UNC80: variants seen among roughly 807,000 people sequenced by gnomAD.
UNC80 encodes unc-80 subunit of NALCN channel complex, also known as protein unc-80 homolog.
Under a neutral mutation model 384.6 loss-of-function variants are expected in UNC80, and 164 were observed. The observed-to-expected ratio is 0.43, with a 90% CI of 0.38 to 0.49. The LOEUF is 0.49. UNC80 is among the 20% of genes least tolerant of loss of function. UNC80 has a pLI of 0.00. For synonymous variants in UNC80, 1,486 were observed against 1,527.8 expected, an observed-to-expected ratio of 0.97 and a Z score of 0.64; for missense variants, 3,330 against 4,143.0, an observed-to-expected ratio of 0.80 and a Z score of 5.39.
intron 22 of UNC80, among the ~76,000 whole-genome samples, chr2:209,870,796 G>T (rs753493569): frequency 7.2e-5 from 11 of 152,182 alleles, no homozygotes; most frequent in Non-Finnish European, 1.0e-4. Context: ...ACCCAAAAAT[G>T]TAAAGTAACC....
chr2:209,895,495 C>G (rs1559283043), intron 27 of UNC80, among the ~76,000 whole-genome samples: 1 of 151,958 alleles, frequency 6.6e-6, no homozygotes, highest in Admixed American at 6.6e-5. Flanking sequence ...CTTAAGGAGA[C>G]TTTTTTTTAA....
In UNC80 at chr2:209,814,326, A is replaced by G. The variant is rs1288412530; in HGVS notation, c.1200+485A>G. ...TCTTGGCTCACTGCAAGCTCCGCCT[A>G]CCGGGTTCACGCCATTCTCCTGCCT... On this transcript the variant is annotated intron_variant, in intron 8 of 64. Transcript: ENST00000673920. Among the ~76,000 whole-genome samples the G allele has an allele frequency of 3.3e-5, 5 of 151,450 alleles. No individual in the cohort carries two copies. The East Asian group carries it at 7.8e-4, about 24-fold the overall frequency.
intron 7 of UNC80, among the ~76,000 whole-genome samples, chr2:209,798,485 A>G (rs2078310829): frequency 6.6e-6 from 1 of 151,898 alleles, no homozygotes; most frequent in South Asian, 2.1e-4. Context: ...GTGTGATGTT[A>G]TTTCTGAGGT....
At chr2:209,952,675 C>G (rs2092240264) in intron 47 of UNC80, among the ~76,000 whole-genome samples, 1 of 152,206 alleles carries the variant, frequency 6.6e-6, no homozygotes, top group Non-Finnish European at 1.5e-5. Context: ...TCCCAGAAGT[C>G]TGGTACCTCC....
rs76521176 is a variant in UNC80 at position 209,933,992 on chromosome 2, C to G, written c.6165C>G (p.Thr2055=). 1.3e-6 allele frequency: 2 copies of G among 1,543,604 alleles called. No homozygotes were observed. The highest frequency in any genetic ancestry group is 2.8e-5 in the African/African-American group (2 of 72,678). The change falls in exon 39 of 65, where the codon ACC becomes ACG. Residue 2055 remains threonine, a synonymous_variant. Transcript: ENST00000673920. ...AGTGTGAGGTGAAGCTCCTGGTGAC[C>G]GCTTCAATGCCAGGTAAGCCACTAC... The part of the protein sequence containing the change: ...KEQCEVKLLV[T]ASMPGTKTLV...
intron 30 of UNC80, 127 bp downstream of exon 30, chr2:209,912,794 T>C: frequency 1.6e-6 from 1 of 613,618 alleles, no homozygotes; most frequent in East Asian, 3.2e-5. Context: ...GCCCCTTCAG[T>C]TGGTGAGCAA....
At chr2:209,845,602 A>G (rs891920586) in intron 21 of UNC80, among the ~76,000 whole-genome samples, 3 of 152,192 alleles carry the variant, frequency 2.0e-5, no homozygotes, top group Non-Finnish European at 4.4e-5. Flanking sequence ...TGTGTCAACA[A>G]TACCTGAAAT....
chr2:209,969,430 A>C (rs555958661), intron 52 of UNC80: 1 of 241,856 alleles, frequency 4.1e-6, no homozygotes, highest in Non-Finnish European at 7.9e-6. Context: ...GGGTCAGATT[A>C]GTTCTATTGG....
chr2:209,968,146 A>T (rs2092788579), intron 52 of UNC80: 1 of 153,596 alleles, frequency 6.5e-6, no homozygotes, highest in Non-Finnish European at 1.4e-5. Flanking sequence ...TACCTAATTC[A>T]GTGTGGTACT....
chr2:209,961,743 C>G (rs1416387489), intron 51 of UNC80, among the ~76,000 whole-genome samples: 1 of 151,934 alleles, frequency 6.6e-6, no homozygotes. Context: ...TTTTAAAATA[C>G]GAAGAACAAG....
intron 58 of UNC80, among the ~76,000 whole-genome samples, 193 bp downstream of exon 58, chr2:209,977,271 G>A (rs895223706): frequency 2.6e-5 from 4 of 152,170 alleles, no homozygotes; most frequent in Admixed American, 6.5e-5. Context: ...TCTTTTGTCA[G>A]TAACAAAATA....
Position 209,921,532 on chromosome 2 carries a change from C to T in UNC80, c.5376C>T (p.Ser1792=), listed in dbSNP as rs2090040809. The T allele has an allele frequency of 6.4e-7, 1 of 1,551,596 alleles. No homozygotes were observed. The highest frequency in any genetic ancestry group is 2.4e-5 in the East Asian group (1 of 40,916). Residue 1792 remains serine (S), a synonymous_variant, in exon 34 of 65, where the codon TCC becomes TCT. Coordinates refer to ENST00000673920, the MANE Select transcript of UNC80 (RefSeq NM_001371986.1). The part of the protein sequence containing the change: ...KSFSARAVSR[S]HQRAEHILKN... ...TTTCAGCCCGGGCTGTGTCCCGCTCCCATCAAAGGGCAGAACACATCTTAA... is the reference window on the plus strand; with the variant it reads ...TTTCAGCCCGGGCTGTGTCCCGCTCTCATCAAAGGGCAGAACACATCTTAA...
intron 47 of UNC80, among the ~76,000 whole-genome samples, chr2:209,952,598 A>G (rs1403498591): frequency 6.6e-6 from 1 of 152,116 alleles, no homozygotes; most frequent in Non-Finnish European, 1.5e-5. Flanking sequence ...CAATTTACAA[A>G]CGAGCAGATG....
chr2:209,883,293 ATTG>A (rs1426212740), intron 25 of UNC80, among the ~76,000 whole-genome samples: 1 of 152,052 alleles, frequency 6.6e-6, no homozygotes, highest in Non-Finnish European at 1.5e-5. Context: ...ATAATATGTT[ATTG>A]TTGACTGTAG....
intron 2 of UNC80, among the ~76,000 whole-genome samples, chr2:209,773,633 G>A (rs918902078): frequency 1.1e-4 from 17 of 152,136 alleles, no homozygotes; most frequent in African/African-American, 4.1e-4. Context: ...TAGAAGAGAA[G>A]GCAGAGAGAT....
At chr2:209,898,477 A>C (rs1348311641) in intron 28 of UNC80, among the ~76,000 whole-genome samples, 1 of 152,154 alleles carries the variant, frequency 6.6e-6, no homozygotes, top group African/African-American at 2.4e-5. Context: ...TTTTTTAAAA[A>C]AAATTATTTT....
chr2:209,819,810 C>G (rs561098923), intron 12 of UNC80, among the ~76,000 whole-genome samples: 2 of 152,058 alleles, frequency 1.3e-5, no homozygotes. Context: ...AATATTAAAA[C>G]CAATAAAGGA....
At chr2:209,861,289 C>T (rs2083327572) in intron 22 of UNC80, among the ~76,000 whole-genome samples, 1 of 152,198 alleles carries the variant, frequency 6.6e-6, no homozygotes, top group Non-Finnish European at 1.5e-5. Context: ...GGCCTTTCTG[C>T]ACCTATTGAG....
At chr2:209,784,700 C>T (rs1247344798) in intron 4 of UNC80, among the ~76,000 whole-genome samples, 3 of 152,222 alleles carry the variant, frequency 2.0e-5, no homozygotes, top group South Asian at 2.1e-4. Context: ...CCTTCACTTC[C>T]TCTCTGCACT....
Sources: allele counts gnomAD v4.1 joint callset (sites outside exome capture counted in the v4.1 genomes callset), GRCh38; gene constraint gnomAD v4.1.1; transcripts MANE v1.5; gene names NCBI Gene and HGNC (gene_info 2026-07-23, HGNC 2026-07-21).